The following ABLIM1 variants were observed in gnomAD, a reference collection of about 807,000 sequenced individuals.
ABLIM1 encodes the protein actin-binding LIM protein 1.
Under a neutral mutation model 107.0 loss-of-function variants are expected in ABLIM1, and 40 were observed. The ratio of observed to expected loss-of-function variants is 0.37; its 90% CI spans 0.29 to 0.49. The LOEUF is 0.49. Ranked by LOEUF, ABLIM1 falls within the 20% of genes least tolerant of loss-of-function variation. The pLI is 0.97. For missense variants in ABLIM1, 857 were observed against 1,008.5 expected, an observed-to-expected ratio of 0.85 and a Z score of 2.04; for synonymous variants, 357 against 357.3, an observed-to-expected ratio of 1.00 and a Z score of 0.01.
chr10:114,750,738 A>G (rs2082492343), intron 1 of ABLIM1, among the ~76,000 whole-genome samples: 1 of 152,228 alleles, frequency 6.6e-6, no homozygotes, highest in Non-Finnish European at 1.5e-5. Flanking sequence ...TTGTCCTAAC[A>G]GGCATTAAAG....
intron 1 of ABLIM1, among the ~76,000 whole-genome samples, chr10:114,735,201 A>T (rs1281749774): frequency 6.6e-6 from 1 of 152,202 alleles, no homozygotes; most frequent in Non-Finnish European, 1.5e-5. Context: ...AGACACTGGA[A>T]TAACATGAAG....
chr10:114,442,846 ATT>A (rs11286352), intron 17 of ABLIM1, among the ~76,000 whole-genome samples: 13 of 149,692 alleles, frequency 8.7e-5, no homozygotes, highest in South Asian at 4.3e-4. Flanking sequence ...CATTAAATGC[ATT>A]TTTTTTTTTT....
rs75744003 is a variant in ABLIM1 at position 114,722,981 on chromosome 10, A to T, written c.-213+45080T>A. Among the ~76,000 whole-genome samples the T allele has an allele frequency of 6.2e-3, 937 of 152,268 alleles. 3 individuals are homozygous for T. Among genetic ancestry groups the T allele is most frequent in the Non-Finnish European group, 0.01 (685 of 68,020 alleles). ...TATAGCTCGCTTGCAGACTGAGCACATTGTACCATAATGATTATTTACATG... is the reference window on the plus strand; with the variant it reads ...TATAGCTCGCTTGCAGACTGAGCACTTTGTACCATAATGATTATTTACATG... On this transcript the variant is annotated intron_variant, in intron 1 of 15. Coordinates refer to the ABLIM1 transcript ENST00000651092.
intron 12 of ABLIM1, 56 bp from the exon 13 acceptor site, chr10:114,453,539 A>G (rs2062244693): frequency 7.2e-7 from 1 of 1,394,044 alleles, no homozygotes. Context: ...GAAACAAAGA[A>G]AACAAAGCAA....
intron 1 of ABLIM1, among the ~76,000 whole-genome samples, chr10:114,645,764 T>C (rs1177386501): frequency 3.9e-5 from 6 of 152,190 alleles, no homozygotes; most frequent in African/African-American, 1.4e-4. Context: ...CAACTTAGAT[T>C]AACTCTGGTA....
chr10:114,767,179 T>C (rs1166246815), intron 1 of ABLIM1, among the ~76,000 whole-genome samples: 3 of 152,150 alleles, frequency 2.0e-5, no homozygotes, highest in African/African-American at 7.2e-5. Flanking sequence ...GGATTAAAGC[T>C]TCGGAGTTTA....
chr10:114,482,830 A>T (rs1421831247), intron 8 of ABLIM1, among the ~76,000 whole-genome samples: 1 of 152,216 alleles, frequency 6.6e-6, no homozygotes, highest in Non-Finnish European at 1.5e-5. Context: ...TCTGGGGCAA[A>T]CTAAAAAATT....
intron 1 of ABLIM1, among the ~76,000 whole-genome samples, chr10:114,606,328 T>C (rs1031802394): frequency 6.6e-6 from 1 of 152,078 alleles, no homozygotes; most frequent in African/African-American, 2.4e-5. Flanking sequence ...CTCTGCCTCC[T>C]GGGTTCAAGC....
At chr10:114,654,825 T>C (rs1049000051) in intron 1 of ABLIM1, among the ~76,000 whole-genome samples, 3 of 152,160 alleles carry the variant, frequency 2.0e-5, no homozygotes, top group African/African-American at 7.2e-5. Context: ...GTGCAAGGGG[T>C]TGGCCAGATG....
upstream of ABLIM1, among the ~76,000 whole-genome samples, chr10:114,662,032 T>C (rs889207674): frequency 6.6e-6 from 1 of 152,180 alleles, no homozygotes; most frequent in Admixed American, 6.5e-5. Flanking sequence ...TATATAGTGA[T>C]TTAAGTCTTT....
chr10:114,484,233 A>G (rs1203530359), intron 8 of ABLIM1, among the ~76,000 whole-genome samples: 1 of 152,110 alleles, frequency 6.6e-6, no homozygotes, highest in Admixed American at 6.5e-5. Flanking sequence ...CCTAACTATG[A>G]TGGGTCTCAG....
At chr10:114,688,884 A>G (rs139228917), upstream of ABLIM1, among the ~76,000 whole-genome samples, 214 of 152,320 alleles carry the variant, frequency 1.4e-3, no homozygotes, top group African/African-American at 4.9e-3. Flanking sequence ...CCAAAAATTT[A>G]GCGTATACCC....
intron 8 of ABLIM1, among the ~76,000 whole-genome samples, chr10:114,484,326 C>T (rs747662168): frequency 2.6e-5 from 4 of 152,124 alleles, no homozygotes; most frequent in Non-Finnish European, 5.9e-5. Flanking sequence ...ACGTAAATCC[C>T]CCAGTCTCCA....
chr10:114,540,681 T>C (rs913703654), intron 6 of ABLIM1, among the ~76,000 whole-genome samples: 58 of 152,168 alleles, frequency 3.8e-4, no homozygotes. Context: ...CCAGTGACCT[T>C]TCTCTTTCTC....
chr10:114,475,903 G>C (rs2056305704), intron 8 of ABLIM1, among the ~76,000 whole-genome samples: 1 of 152,172 alleles, frequency 6.6e-6, no homozygotes, highest in Non-Finnish European at 1.5e-5. Context: ...GTAACTTATA[G>C]TTCTACAATA....
chr10:114,529,950 C>T (rs919526504), intron 6 of ABLIM1, among the ~76,000 whole-genome samples: 5 of 152,070 alleles, frequency 3.3e-5, no homozygotes, highest in Admixed American at 3.3e-4. Flanking sequence ...TCCCTTGAAC[C>T]CGGGAGGCAG....
intron 6 of ABLIM1, among the ~76,000 whole-genome samples, chr10:114,513,776 A>G (rs1413970547): frequency 2.0e-5 from 3 of 152,240 alleles, no homozygotes; most frequent in Non-Finnish European, 4.4e-5. Context: ...TTTCCATGAA[A>G]GGTGTCGATG....
intron 1 of ABLIM1, among the ~76,000 whole-genome samples, chr10:114,753,313 G>T (rs1392660954): frequency 2.6e-5 from 4 of 152,196 alleles, no homozygotes; most frequent in Admixed American, 2.0e-4. Context: ...TGTGCACCAT[G>T]CTCTCTTTCC....
At chr10:114,544,443 A>G (rs1031988038) in intron 6 of ABLIM1, among the ~76,000 whole-genome samples, 2 of 152,190 alleles carry the variant, frequency 1.3e-5, no homozygotes, top group African/African-American at 4.8e-5. Context: ...AGCAGGAAGA[A>G]AGCTCCCTAG....
Sources: gnomAD v4.1 joint callset for allele counts (sites outside exome capture counted in the v4.1 genomes callset) on GRCh38, gnomAD v4.1.1 for gene constraint, MANE v1.5 for transcripts, NCBI Gene and HGNC (gene_info 2026-07-23, HGNC 2026-07-21) for gene names.